The following POLQ variants were observed in gnomAD, a reference collection of about 807,000 sequenced individuals.
The protein encoded by POLQ is epididymis secretory sperm binding protein.
POLQ carries 233 observed loss-of-function variants against 259.2 expected under a neutral mutation model. The ratio of observed to expected loss-of-function variants is 0.90; its 90% CI spans 0.81 to 1.00. POLQ has a LOEUF of 1.00. Ranked by LOEUF, POLQ falls within the 50% of genes least tolerant of loss-of-function variation. POLQ has a pLI of 0.00. For missense variants in POLQ, 2,871 were observed against 3,051.6 expected (o/e 0.94, Z 1.39); for synonymous variants, 1,025 against 1,048.8 (o/e 0.98, Z 0.44).
chr3:121,490,917 T>C (rs964211673), intron 15 of POLQ, among the ~76,000 whole-genome samples: 2 of 151,796 alleles, frequency 1.3e-5, no homozygotes, highest in African/African-American at 4.8e-5. Context: ...CAGCCAGGCA[T>C]GGTAGCGGGT....
intron 4 of POLQ, among the ~76,000 whole-genome samples, chr3:121,539,209 G>A (rs1157602952): frequency 2.0e-5 from 3 of 152,130 alleles, no homozygotes; most frequent in South Asian, 2.1e-4. Context: ...TATAATCTAC[G>A]TTTTGTAAAG....
chr3:121,456,383 G>A (rs1560088603), intron 25 of POLQ, among the ~76,000 whole-genome samples: 2 of 151,744 alleles, frequency 1.3e-5, no homozygotes, highest in Admixed American at 1.3e-4. Context: ...ATCTGGCCAG[G>A]GCAATCAGGC....
intron 6 of POLQ, 68 bp downstream of exon 6, chr3:121,532,922 G>A: frequency 2.0e-6 from 2 of 995,272 alleles, no homozygotes; most frequent in Non-Finnish European, 3.0e-6. Flanking sequence ...GAATTTGTTA[G>A]CAATTTGCTA....
At chr3:121,498,399 G>A (rs2048141178) in intron 13 of POLQ, 78 bp downstream of exon 13, 2 of 938,170 alleles carry the variant, frequency 2.1e-6, no homozygotes, top group Non-Finnish European at 3.2e-6. Flanking sequence ...CAATGAAAGT[G>A]ACTACAATAA....
chr3:121,451,329 G>A (rs777104495), intron 25 of POLQ, among the ~76,000 whole-genome samples: 3 of 152,200 alleles, frequency 2.0e-5, no homozygotes, highest in South Asian at 2.1e-4. Context: ...CATTGCTGGC[G>A]AGGAGCTGAG....
chr3:121,542,706 T>C (rs1020531861), intron 2 of POLQ, among the ~76,000 whole-genome samples: 10 of 152,196 alleles, frequency 6.6e-5, no homozygotes, highest in Non-Finnish European at 1.5e-5. Flanking sequence ...CAGTGAATCA[T>C]GCCTGTAATC....
At chr3:121,475,756 A>G (rs2047920188) in intron 20 of POLQ, among the ~76,000 whole-genome samples, 1 of 152,252 alleles carries the variant, frequency 6.6e-6, no homozygotes, top group Non-Finnish European at 1.5e-5. Context: ...CTCTTAGTCC[A>G]GGATTTGCTC....
intron 9 of POLQ, among the ~76,000 whole-genome samples, chr3:121,512,612 T>C (rs1410524239): frequency 6.6e-6 from 1 of 152,242 alleles, no homozygotes; most frequent in Admixed American, 6.5e-5. Flanking sequence ...TTCAATCCTT[T>C]TCTATAAAGG....
At chr3:121,533,495 G>C (rs2048426730) in intron 5 of POLQ, among the ~76,000 whole-genome samples, 2 of 152,064 alleles carry the variant, frequency 1.3e-5, no homozygotes, top group Non-Finnish European at 2.9e-5. Flanking sequence ...TTTTAATGTT[G>C]GCAGTTATAG....
chr3:121,471,756 T>C (rs1051249757), intron 22 of POLQ, among the ~76,000 whole-genome samples: 1 of 151,872 alleles, frequency 6.6e-6, no homozygotes, highest in African/African-American at 2.4e-5. Flanking sequence ...TGAAACTCTG[T>C]CTCAAAATAA....
At chr3:121,530,526 T>C (rs2048403811) in intron 6 of POLQ, among the ~76,000 whole-genome samples, 1 of 151,974 alleles carries the variant, frequency 6.6e-6, no homozygotes, top group African/African-American at 2.4e-5. Context: ...AAAAGAGAGT[T>C]TTACGGTGTT....
rs527852569 is a variant in POLQ, at chr3:121,488,078, G to T, written c.4853C>A (p.Ser1618Ter). ...ATTTTGCCTGGTCCCAGTTAATTTT[G>T]ATTTTTCAGCCCTTTCATCTTGATC... is the stretch of plus-strand genomic sequence containing the variant. Reference protein sequence around the residue: ...GGDQDERAEKSKLTGTRQNHS... With the variant: ...GGDQDERAEK The change falls in exon 16 of 30, where the codon TCA (serine) becomes TAA (stop). Residue 1618 changes from serine (S) to a stop codon, truncating the protein, a stop_gained. Coordinates refer to ENST00000264233, the MANE Select transcript of POLQ (RefSeq NM_199420.4). LOFTEE classifies it high-confidence loss of function. 3.7e-6 allele frequency: 6 copies of T among 1,613,940 alleles called. No individual in the cohort carries two copies. The highest frequency in any genetic ancestry group is 1.3e-5 in the African/African-American group (1 of 75,034).
rs1006815430 is a variant in POLQ at position 121,490,145 on chromosome 3, C to T, written c.2786G>A (p.Ser929Asn). 2 of 1,609,984 alleles carry T rather than the reference C, an allele frequency of 1.2e-6. No individual in the cohort carries two copies. The highest frequency in any genetic ancestry group is 1.1e-5 in the South Asian group (1 of 90,390). ...KEHTFISQTK[S>N]SYKKLTSKNK... The stretch of plus-strand genomic sequence containing the variant: ...CTTTGATGTTAATTTTTTATAAGAA[C>T]TCTTAGTTTGGGATATAAATGTGTG... The change falls in exon 16 of 30, where the codon AGT becomes AAT. Residue 929 changes from serine to asparagine, a missense_variant. By Grantham distance (46) the Ser-to-Asn change is conservative (BLOSUM62 1). Coordinates refer to ENST00000264233, the MANE Select transcript of POLQ (RefSeq NM_199420.4).
chr3:121,469,460 C>T (rs776035537), intron 22 of POLQ, among the ~76,000 whole-genome samples: 5 of 152,072 alleles, frequency 3.3e-5, no homozygotes, highest in Non-Finnish European at 5.9e-5. Context: ...GTGACTTGGA[C>T]GTTGTTTTTT....
intron 24 of POLQ, 142 bp from the exon 25 acceptor site, chr3:121,460,376 T>C (rs1004571856): frequency 1.6e-6 from 1 of 619,002 alleles, no homozygotes. Context: ...AGTTAAAACC[T>C]TCCTCTTAAT....
At chr3:121,493,326 T>A (rs1384251830) in intron 15 of POLQ, 152 bp downstream of exon 15, 1 of 573,180 alleles carries the variant, frequency 1.7e-6, no homozygotes, top group African/African-American at 1.9e-5. Context: ...TAATCTGCAA[T>A]GGGGAAAAAG....
chr3:121,494,200 G>A (rs963876758), intron 14 of POLQ: 32 of 1,345,692 alleles, frequency 2.4e-5, no homozygotes, highest in South Asian at 5.9e-5. Flanking sequence ...GGTGAATCCC[G>A]TTTGTGAAAA....
At position 121,543,320 on chromosome 3, in the gene POLQ, T is replaced by C. The variant is rs143734862; in HGVS notation, c.343+1407A>G. Among the ~76,000 whole-genome samples, 102 of 152,338 alleles carry C rather than the reference T, an allele frequency of 6.7e-4. No individual in the cohort carries two copies. In the East Asian group the frequency reaches 0.017, roughly 26 times the overall value. Reference sequence around the variant, plus strand: ...TATTTTTTGTAATGCCTTTTCACAATACAAGTACTTTCTATGTGCCAAAAA... The same window carrying C: ...TATTTTTTGTAATGCCTTTTCACAACACAAGTACTTTCTATGTGCCAAAAA... On this transcript the variant is annotated intron_variant, in intron 2 of 29. Coordinates refer to ENST00000264233, the MANE Select transcript of POLQ (RefSeq NM_199420.4).
intron 26 of POLQ, among the ~76,000 whole-genome samples, chr3:121,448,829 C>G (rs2047650635): frequency 6.6e-6 from 1 of 152,114 alleles, no homozygotes; most frequent in African/African-American, 2.4e-5. Flanking sequence ...ATTCACAGAA[C>G]TATATACCTT....
Sources: gnomAD v4.1 joint callset for allele counts (sites outside exome capture counted in the v4.1 genomes callset) on GRCh38, gnomAD v4.1.1 for gene constraint, MANE v1.5 for transcripts, NCBI Gene and HGNC (gene_info 2026-07-23, HGNC 2026-07-21) for gene names.